OSBPL5: variants seen among roughly 807,000 people sequenced by gnomAD.
OSBPL5 encodes the protein oxysterol-binding protein-related protein 5.
OSBPL5 carries 71 observed loss-of-function variants against 111.2 expected under a neutral mutation model. The ratio of observed to expected loss-of-function variants is 0.64; its 90% CI spans 0.53 to 0.78. The LOEUF (loss-of-function observed/expected upper bound fraction) is 0.78, where lower values mean the gene tolerates loss of function less well. Ranked by LOEUF, OSBPL5 falls within the 30% of genes least tolerant of loss-of-function variation. The pLI is 0.00. For missense variants in OSBPL5, 1,210 were observed against 1,189.3 expected, an observed-to-expected ratio of 1.02 and a Z score of -0.26; for synonymous variants, 549 against 513.9, an observed-to-expected ratio of 1.07 and a Z score of -0.93.
At chr11:3,136,082 C>T (rs1050155502) in intron 1 of OSBPL5, among the ~76,000 whole-genome samples, 4 of 152,250 alleles carry the variant, frequency 2.6e-5, no homozygotes, top group Non-Finnish European at 4.4e-5. Context: ...GGTTCTGCCT[C>T]TGCCTGGCCA....
At chr11:3,099,797 G>T (rs555090394) in intron 14 of OSBPL5, among the ~76,000 whole-genome samples, 4 of 152,214 alleles carry the variant, frequency 2.6e-5, no homozygotes, top group Admixed American at 6.5e-5. Context: ...GGCTGGGCGC[G>T]GTGGCTCATG....
rs1846964159 is a variant in OSBPL5, at chr11:3,161,449, G to A, written c.-22+3767C>T. 1 of 152,206 alleles carries A rather than the reference G, an allele frequency of 6.6e-6. No homozygotes were observed. Among genetic ancestry groups the A allele is most frequent in the Admixed American group, 6.5e-5 (1 of 15,286 alleles). 9.4% of individuals were successfully genotyped at this position (152,206 alleles called of 1,614,324 possible). ...TGGTGAAACCAGGACATGGTGGGTG[G>A]GACTTGCTAGATGGGGGCAGCCAGT... is the stretch of plus-strand genomic sequence containing the variant. On this transcript the variant is annotated intron_variant, in intron 1 of 21. Transcript: ENST00000263650. The surrounding 1 kb of genome is among the most constrained non-coding windows in gnomAD (Gnocchi z 8.0).
intron 14 of OSBPL5, 145 bp from the exon 15 acceptor site, chr11:3,094,479 G>A (rs927642114): frequency 3.2e-6 from 2 of 628,382 alleles, no homozygotes; most frequent in African/African-American, 4.4e-5. Context: ...TCCCTGGGAG[G>A]GTGAGAAGGA....
Position 3,103,687 on chromosome 11 carries a change from GC to G in OSBPL5, c.1245-368del, listed in dbSNP as rs1304855220. Among the ~76,000 whole-genome samples the G allele has an allele frequency of 2.4e-3, 329 of 136,150 alleles. 3 individuals are homozygous for G. Among genetic ancestry groups the G allele is most frequent in the Non-Finnish European group, 3.8e-3 (247 of 64,184 alleles). The allele number at this position is 136,150 out of a possible 152,430, so 89.3% of individuals were successfully genotyped here. ...CTGTTGCCCCCTTCCAGTCTCTGCA[GC>G]CCCCTTCCAGCCTGCGTACCCCCTT... On this transcript the variant is annotated intron_variant, in intron 10 of 21. Coordinates refer to ENST00000263650, the MANE Select transcript of OSBPL5 (RefSeq NM_020896.4).
At chr11:3,111,731 G>GAA (rs112039718) in intron 7 of OSBPL5, among the ~76,000 whole-genome samples, 6 of 148,536 alleles carry the variant, frequency 4.0e-5, no homozygotes, top group Admixed American at 6.7e-5. Context: ...CCAGCAAAAG[G>GAA]AAAAAAAAAA....
rs914879827 is a variant in OSBPL5, at chr11:3,162,383, A to G, written c.-22+2833T>C. 1.3e-5 allele frequency among the ~76,000 whole-genome samples: 2 copies of G among 152,040 alleles called. No individual in the cohort carries two copies. Among genetic ancestry groups the G allele is most frequent in the African/African-American group, 4.8e-5 (2 of 41,390 alleles). On this transcript the variant is annotated intron_variant, in intron 1 of 21. Transcript: ENST00000263650. This position sits in a 1 kb window ranked among gnomAD's most constrained non-coding sequence, Gnocchi z 8.1. Reference sequence around the variant, plus strand: ...AATTCTGGATCCCTCTAAGCCAGCCAAGAAGGCTCATGTCCCACCCCCTCC... The same window carrying G: ...AATTCTGGATCCCTCTAAGCCAGCCGAGAAGGCTCATGTCCCACCCCCTCC...
intron 1 of OSBPL5, among the ~76,000 whole-genome samples, chr11:3,132,298 G>A (rs1231381406): frequency 1.3e-5 from 2 of 152,038 alleles, no homozygotes; most frequent in South Asian, 2.1e-4. Context: ...GGGCCCTGCA[G>A]ACCACCTCTG....
rs1857862730 is a variant in OSBPL5 at position 3,110,068 on chromosome 11, C to T, written c.692-2123G>A. ...ATCCCCGGGCCTGCATGGGACCTGG[C>T]ACATAGTGGGGCACTCAGGATGGCC... On this transcript the variant is annotated intron_variant, in intron 7 of 21. Coordinates refer to ENST00000263650, the MANE Select transcript of OSBPL5 (RefSeq NM_020896.4). This position sits in a 1 kb window ranked among gnomAD's most constrained non-coding sequence, Gnocchi z 5.3. Among the ~76,000 whole-genome samples, 1 of 152,190 alleles carries T rather than the reference C, an allele frequency of 6.6e-6. No individual in the cohort carries two copies. Among genetic ancestry groups the T allele is most frequent in the African/African-American group, 2.4e-5 (1 of 41,454 alleles).
intron 1 of OSBPL5, among the ~76,000 whole-genome samples, chr11:3,145,006 G>A (rs564201743): frequency 1.3e-5 from 2 of 152,374 alleles, no homozygotes; most frequent in South Asian, 4.1e-4. Context: ...GGCAGCTTCT[G>A]TAGCATCTAG....
At chr11:3,133,049 G>C (rs1845856277) in intron 1 of OSBPL5, among the ~76,000 whole-genome samples, 1 of 152,234 alleles carries the variant, frequency 6.6e-6, no homozygotes, top group Non-Finnish European at 1.5e-5. Context: ...GACAGGGCAG[G>C]GTCCTCAGAG....
In OSBPL5 at chr11:3,142,768, C is replaced by G. The variant is rs1292317148; in HGVS notation, c.-21-13599G>C. Reference sequence around the variant, plus strand: ...GCAGGGGTGGAGGCTGGAAGACCAGCAGGTCTCCCTTCACCTGGGGATCCC... The same window carrying G: ...GCAGGGGTGGAGGCTGGAAGACCAGGAGGTCTCCCTTCACCTGGGGATCCC... On this transcript the variant is annotated intron_variant, in intron 1 of 21. Coordinates refer to ENST00000263650, the MANE Select transcript of OSBPL5 (RefSeq NM_020896.4). This position sits in a 1 kb window ranked among gnomAD's most constrained non-coding sequence, Gnocchi z 7.1. Among the ~76,000 whole-genome samples, 1 of 152,088 alleles carries G rather than the reference C, an allele frequency of 6.6e-6. No individual in the cohort carries two copies. Among genetic ancestry groups the G allele is most frequent in the Non-Finnish European group, 1.5e-5 (1 of 68,010 alleles).
At chr11:3,090,037 G>C (rs1857005102) in intron 20 of OSBPL5, 89 bp from the exon 21 acceptor site, 11 of 1,017,418 alleles carry the variant, frequency 1.1e-5, no homozygotes, top group Non-Finnish European at 1.5e-5. Flanking sequence ...GGGTCACAGG[G>C]TCATATCCAG....
intron 10 of OSBPL5, among the ~76,000 whole-genome samples, chr11:3,103,774 A>T (rs9735713): frequency 0.025 from 696 of 27,692 alleles, 39 homozygotes; most frequent in Non-Finnish European, 0.047. Flanking sequence ...GCCCCCTTCC[A>T]GCCTCTGCAG....
intron 1 of OSBPL5, among the ~76,000 whole-genome samples, chr11:3,134,541 C>G (rs1845898694): frequency 1.3e-5 from 2 of 152,234 alleles, no homozygotes; most frequent in African/African-American, 4.8e-5. Flanking sequence ...TGGTCCCTAG[C>G]CCATCCCAGG....
chr11:3,101,733 C>T lies in OSBPL5; in HGVS notation c.1426-34G>A, dbSNP rs570993764. 1.5e-4 allele frequency: 234 copies of T among 1,557,164 alleles called. 2 individuals carry two copies. The South Asian group carries it at 2.0e-3, about 13-fold the overall frequency. ...AGGGAGGCGGCTCTGTAAACAGCCC[C>T]GGAAACAGGTAATCCCAGGAAGCGA... On this transcript the variant is annotated intron_variant, in intron 12 of 21. Coordinates refer to ENST00000263650, the MANE Select transcript of OSBPL5 (RefSeq NM_020896.4).
rs986509737 is a variant in OSBPL5, at chr11:3,092,306, G to C, written c.2259+126C>G. On this transcript the variant is annotated intron_variant, in intron 19 of 21. Transcript: ENST00000263650. This position sits in a 1 kb window ranked among gnomAD's most constrained non-coding sequence, Gnocchi z 5.4. Reference sequence around the variant, plus strand: ...GCAGAGAAGGAAAGGGGACGAGGGGGCTGGGGGATGAGGGCGTGAGGGAAA... The same window carrying C: ...GCAGAGAAGGAAAGGGGACGAGGGGCCTGGGGGATGAGGGCGTGAGGGAAA... The C allele has an allele frequency of 7.7e-7, 1 of 1,293,636 alleles. No individual in the cohort carries two copies. Among genetic ancestry groups the C allele is most frequent in the Non-Finnish European group, 1.0e-6 (1 of 974,050 alleles). 80.1% of individuals were successfully genotyped at this position (1,293,636 alleles called of 1,614,324 possible). A position where few individuals can be genotyped will look rare whatever the true frequency, so the allele number is the denominator to read the frequency against.
chr11:3,120,750 A>C, intron 5 of OSBPL5, 126 bp from the exon 6 acceptor site: 1 of 933,862 alleles, frequency 1.1e-6, no homozygotes, highest in Non-Finnish European at 1.6e-6. Flanking sequence ...CCCCTCCCTC[A>C]CTCCCCCACA....
chr11:3,111,987 GTGTGTGCA>G (rs1286964896), intron 7 of OSBPL5, among the ~76,000 whole-genome samples: 3,460 of 133,232 alleles, frequency 0.026, 134 homozygotes, highest in African/African-American at 0.09. Context: ...GTGCGCGCAT[GTGTGTGCA>G]TGTGTGTGTG....
Position 3,110,043 on chromosome 11 carries a change from A to T in OSBPL5, c.692-2098T>A, listed in dbSNP as rs1857861553. 6.6e-6 allele frequency among the ~76,000 whole-genome samples: 1 copy of T among 152,068 alleles called. No individual in the cohort carries two copies. Among genetic ancestry groups the T allele is most frequent in the Admixed American group, 6.5e-5 (1 of 15,272 alleles). On this transcript the variant is annotated intron_variant, in intron 7 of 21. Coordinates refer to ENST00000263650, the MANE Select transcript of OSBPL5 (RefSeq NM_020896.4). This position sits in a 1 kb window ranked among gnomAD's most constrained non-coding sequence, Gnocchi z 5.3. ...ACAGAGGCTGTGGGCTGCCCTGGCCATCCCCGGGCCTGCATGGGACCTGGC... is the reference window on the plus strand; with the variant it reads ...ACAGAGGCTGTGGGCTGCCCTGGCCTTCCCCGGGCCTGCATGGGACCTGGC...
Sources: allele counts gnomAD v4.1 joint callset (sites outside exome capture counted in the v4.1 genomes callset), GRCh38; gene constraint gnomAD v4.1.1; non-coding constraint Gnocchi (gnomAD v3.1); transcripts MANE v1.5; gene names NCBI Gene and HGNC (gene_info 2026-07-23, HGNC 2026-07-21).